The following PCSK1 variants were observed in gnomAD, a reference collection of about 807,000 sequenced individuals.
PCSK1 encodes neuroendocrine convertase 1.
In PCSK1, 56 loss-of-function variants were observed where a neutral mutation model predicts 90.6. The observed-to-expected ratio is 0.62, with a 90% CI of 0.50 to 0.77. The LOEUF (loss-of-function observed/expected upper bound fraction) is 0.77, where lower values mean the gene tolerates loss of function less well. Among genes scored for constraint, PCSK1 ranks in the 30% least tolerant of loss-of-function variants. The probability of loss-of-function intolerance (pLI) is 0.00; values close to 1 mark genes in which losing one functional copy is unlikely to be tolerated. For missense variants in PCSK1, 801 were observed against 932.6 expected (o/e 0.86, Z 1.84); for synonymous variants, 348 against 342.4 (o/e 1.02, Z -0.18).
At position 96,393,305 on chromosome 5, in the gene PCSK1, C is replaced by A. The variant is rs751319350; in HGVS notation, c.1958G>T (p.Gly653Val). The stretch of plus-strand genomic sequence containing the variant: ...TCCCTCCTCCAACTCATCCCTCCGG[C>A]CCCCTACGCTGCTGCTGCTGGGGCT... ...SKSPSSSSVG[G>V]RRDELEEGAP... The change falls in exon 14 of 14, where the codon GGC becomes GTC. Residue 653 changes from glycine (G) to valine (V), a missense_variant. By Grantham distance (109) the Gly-to-Val change is moderately radical. Coordinates refer to ENST00000311106, the MANE Select transcript of PCSK1 (RefSeq NM_000439.5). 17 of 1,614,048 alleles carry A rather than the reference C, an allele frequency of 1.1e-5. No individual in the cohort carries two copies. Among genetic ancestry groups the A allele is most frequent in the Admixed American group, 1.7e-5 (1 of 60,004 alleles).
At chr5:96,398,858 C>A (rs1321733848) in intron 11 of PCSK1, 21 bp downstream of exon 11, 10 of 1,599,388 alleles carry the variant, frequency 6.3e-6, no homozygotes, top group Non-Finnish European at 7.7e-6. Context: ...ATATAAATGG[C>A]TTAGAACTTT....
At chr5:96,421,117 G>A (rs1761114117) in intron 5 of PCSK1, among the ~76,000 whole-genome samples, 1 of 152,214 alleles carries the variant, frequency 6.6e-6, no homozygotes, top group African/African-American at 2.4e-5. Context: ...CATGCCTAGA[G>A]CGTGAAGTTT....
intron 1 of PCSK1, among the ~76,000 whole-genome samples, chr5:96,430,079 A>C (rs193301323): frequency 3.5e-4 from 53 of 152,362 alleles, no homozygotes; most frequent in Admixed American, 3.0e-3. Flanking sequence ...TCATAGTGAT[A>C]AATTGCTATT....
At chr5:96,432,128 T>G (rs1392613366) in intron 1 of PCSK1, 1 of 1,535,794 alleles carries the variant, frequency 6.5e-7, no homozygotes. Flanking sequence ...CCATAGTCAG[T>G]TCGGCATCTC....
At chr5:96,415,199 A>G (rs1168526079) in intron 6 of PCSK1, among the ~76,000 whole-genome samples, 2 of 152,196 alleles carry the variant, frequency 1.3e-5, no homozygotes, top group Non-Finnish European at 2.9e-5. Flanking sequence ...GACTGCATCA[A>G]TGGGCTCTGT....
At chr5:96,420,787 AAGAGAG>A (rs34161803) in intron 5 of PCSK1, among the ~76,000 whole-genome samples, 9 of 143,450 alleles carry the variant, frequency 6.3e-5, no homozygotes, top group Non-Finnish European at 9.2e-5. Context: ...GAGAGAGAGA[AAGAGAG>A]AGAGAGAGAG....
intron 5 of PCSK1, 141 bp from the exon 6 acceptor site, chr5:96,416,262 T>C: frequency 1.5e-6 from 1 of 682,940 alleles, no homozygotes; most frequent in South Asian, 1.5e-5. Context: ...TAAATTAGTA[T>C]AACATAAAAC....
At chr5:96,397,045 T>C (rs990391372) in intron 12 of PCSK1, among the ~76,000 whole-genome samples, 8 of 152,236 alleles carry the variant, frequency 5.3e-5, no homozygotes, top group Non-Finnish European at 8.8e-5. Context: ...ATAGGTTAGA[T>C]GGCTGGCTGC....
At chr5:96,398,209 G>T (rs572718083) in intron 11 of PCSK1, among the ~76,000 whole-genome samples, 108 of 152,252 alleles carry the variant, frequency 7.1e-4, no homozygotes, top group South Asian at 6.4e-3. Context: ...TTAATATTCA[G>T]GAGGAAGATC....
chr5:96,401,257 A>T (rs1232494877), intron 9 of PCSK1, among the ~76,000 whole-genome samples: 1 of 152,072 alleles, frequency 6.6e-6, no homozygotes, highest in Non-Finnish European at 1.5e-5. Flanking sequence ...TGTGGGGGAG[A>T]AATATTTGAG....
rs1759983183 is a variant in PCSK1, at chr5:96,392,647, T to C, written c.*354A>G. On this transcript the variant is annotated 3_prime_UTR_variant, in exon 14 of 14. Transcript: ENST00000311106. ...ATTCTTTGCAGATTATGTTTTCAAATTAATTGATATCCCAGGTTTTGCCTT... is the reference window on the plus strand; with the variant it reads ...ATTCTTTGCAGATTATGTTTTCAAACTAATTGATATCCCAGGTTTTGCCTT... 4.4e-6 allele frequency: 1 copy of C among 227,746 alleles called. No homozygotes were observed. The highest frequency in any genetic ancestry group is 8.6e-6 in the Non-Finnish European group (1 of 116,150). 14.1% of individuals were successfully genotyped at this position (227,746 alleles called of 1,614,324 possible). A position where few individuals can be genotyped will look rare whatever the true frequency, so the allele number is the denominator to read the frequency against.
intron 12 of PCSK1, among the ~76,000 whole-genome samples, chr5:96,396,406 C>T (rs1455547952): frequency 3.9e-5 from 6 of 151,926 alleles, no homozygotes; most frequent in African/African-American, 1.2e-4. Flanking sequence ...ACTAAAAATA[C>T]AAAAATTAGC....
chr5:96,419,648 C>A (rs1314794886), intron 5 of PCSK1, among the ~76,000 whole-genome samples: 1 of 151,860 alleles, frequency 6.6e-6, no homozygotes, highest in Admixed American at 6.6e-5. Context: ...TCTCTCAATG[C>A]TGTGTGGAAG....
At chr5:96,408,151 G>GA (rs570908475) in intron 9 of PCSK1, 72 bp downstream of exon 9, 125 of 1,103,044 alleles carry the variant, frequency 1.1e-4, no homozygotes, top group African/African-American at 3.9e-4. Flanking sequence ...CATGTATTCA[G>GA]AAAAAAAAGT....
chr5:96,416,272 C>T, intron 5 of PCSK1, 151 bp from the exon 6 acceptor site: 1 of 664,904 alleles, frequency 1.5e-6, no homozygotes, highest in Non-Finnish European at 2.7e-6. Context: ...TAACATAAAA[C>T]TTATGTTCAG....
In PCSK1 at chr5:96,391,242, A is replaced by T. The variant is rs1261466451; in HGVS notation, c.*1759T>A. On this transcript the variant is annotated 3_prime_UTR_variant, in exon 14 of 14. Transcript: ENST00000311106. ...TCTACACAAATTCAAATGGTAGAAG[A>T]GCAGGTGAAAATTTGTGTTACCAAC... 6.6e-6 allele frequency: 1 copy of T among 152,234 alleles called. No homozygotes were observed. The highest frequency in any genetic ancestry group is 1.5e-5 in the Non-Finnish European group (1 of 68,046). The allele number at this position is 152,234 out of a possible 1,614,324, so 9.4% of individuals were successfully genotyped here.
intron 1 of PCSK1, among the ~76,000 whole-genome samples, chr5:96,429,641 G>T (rs1406014526): frequency 6.6e-6 from 1 of 151,938 alleles, no homozygotes; most frequent in Non-Finnish European, 1.5e-5. Flanking sequence ...AGTATATGTT[G>T]TTCCCCTCTA....
At chr5:96,408,947 A>G (rs1050257792) in intron 8 of PCSK1, among the ~76,000 whole-genome samples, 5 of 152,228 alleles carry the variant, frequency 3.3e-5, no homozygotes, top group African/African-American at 1.2e-4. Flanking sequence ...TCTGGGTTCA[A>G]ATTCTCTAAC....
rs898617012 is a variant in PCSK1 at position 96,393,472 on chromosome 5, C to T, written c.1885-94G>A. On this transcript the variant is annotated intron_variant, in intron 13 of 13. Coordinates refer to ENST00000311106, the MANE Select transcript of PCSK1 (RefSeq NM_000439.5). ...ACCCTACCACAGGAACGCTGCCTGC[C>T]GCTTGAGAGGCAATGAGGGGAGGGG... The T allele has an allele frequency of 6.1e-5, 87 of 1,432,418 alleles. No homozygotes were observed. In the Admixed American group the frequency reaches 6.9e-4, roughly 11 times the overall value. 88.7% of individuals were successfully genotyped at this position (1,432,418 alleles called of 1,614,324 possible). A position where few individuals can be genotyped will look rare whatever the true frequency, so the allele number is the denominator to read the frequency against.
Sources: allele counts gnomAD v4.1 joint callset (sites outside exome capture counted in the v4.1 genomes callset), GRCh38; gene constraint gnomAD v4.1.1; transcripts MANE v1.5; gene names NCBI Gene and HGNC (gene_info 2026-07-23, HGNC 2026-07-21).